The following ACYP2 variants were observed in gnomAD, a reference collection of about 807,000 sequenced individuals.
The protein encoded by ACYP2 is acylphosphatase 2, also known as acylphosphatase-2.
Under a neutral mutation model 11.2 loss-of-function variants are expected in ACYP2, and 12 were observed. The ratio of observed to expected loss-of-function variants is 1.08; its 90% CI spans 0.69 to 1.74. The LOEUF is 1.74. ACYP2 is among the 40% of genes most tolerant of loss of function. The pLI, the probability that ACYP2 is intolerant of heterozygous loss-of-function variation, is 0.00. For missense variants in ACYP2, 134 were observed against 101.9 expected (o/e 1.31, Z -1.35); for synonymous variants, 43 against 32.2 (o/e 1.33, Z -1.13).
chr2:54,296,502 C>T (rs190055135), intron 6 of ACYP2, among the ~76,000 whole-genome samples: 9 of 152,190 alleles, frequency 5.9e-5, no homozygotes, highest in East Asian at 5.8e-4. Context: ...TATTTCTTAA[C>T]GCAAAGGTGG....
intron 2 of ACYP2, among the ~76,000 whole-genome samples, chr2:53,986,910 C>T (rs1385918756): frequency 1.3e-5 from 2 of 152,156 alleles, no homozygotes; most frequent in Non-Finnish European, 2.9e-5. Flanking sequence ...TAGGTGTGAG[C>T]CACCGCACCC....
intron 6 of ACYP2, chr2:54,143,164 A>G (rs962716423): frequency 1.3e-5 from 2 of 152,238 alleles, no homozygotes; most frequent in African/African-American, 4.8e-5. Context: ...TGCCATGACA[A>G]TGTTGAATAA....
chr2:54,270,959 A>G lies in ACYP2; in HGVS notation c.405-33729A>G, dbSNP rs536198324. Among the ~76,000 whole-genome samples, 7 of 152,354 alleles carry G rather than the reference A, an allele frequency of 4.6e-5. No homozygotes were observed. The South Asian group carries it at 1.0e-3, about 23-fold the overall frequency. ...ATTAAAGCTTTGTACTTTTCTTTAC[A>G]TATGGCACATACAATTCTTTATCAT... On this transcript the variant is annotated intron_variant, in intron 6 of 6. Coordinates refer to ENST00000607452, the MANE Select transcript of ACYP2 (RefSeq NM_001320586.2).
intron 6 of ACYP2, among the ~76,000 whole-genome samples, chr2:54,244,535 C>A (rs184083536): frequency 1.3e-5 from 2 of 152,204 alleles, no homozygotes; most frequent in African/African-American, 4.8e-5. Flanking sequence ...GGCTTAGATA[C>A]CCTGTGTATC....
intron 6 of ACYP2, among the ~76,000 whole-genome samples, chr2:54,181,588 A>G (rs1683729430): frequency 6.6e-6 from 1 of 152,208 alleles, no homozygotes; most frequent in Non-Finnish European, 1.5e-5. Flanking sequence ...CTAAAATTAC[A>G]TATAATCTGA....
At chr2:54,175,409 ATTC>A (rs1683415806) in intron 6 of ACYP2, among the ~76,000 whole-genome samples, 2 of 148,212 alleles carry the variant, frequency 1.3e-5, no homozygotes, top group Admixed American at 1.4e-4. Flanking sequence ...CGTCTATTTG[ATTC>A]TTCTCTCTTT....
chr2:54,179,241 GGGGT>G (rs923288044), intron 6 of ACYP2, among the ~76,000 whole-genome samples: 3 of 139,884 alleles, frequency 2.1e-5, no homozygotes, highest in African/African-American at 7.6e-5. Flanking sequence ...GGTGGTGTGA[GGGGT>G]GGGTGGGTGG....
intron 4 of ACYP2, among the ~76,000 whole-genome samples, chr2:54,093,864 T>C (rs1279686144): frequency 2.6e-5 from 4 of 152,098 alleles, no homozygotes; most frequent in Non-Finnish European, 5.9e-5. Context: ...GACATGAACC[T>C]GGGAGGCAGA....
chr2:54,085,230 G>A (rs1264301200), intron 4 of ACYP2, among the ~76,000 whole-genome samples: 1 of 152,138 alleles, frequency 6.6e-6, no homozygotes, highest in Non-Finnish European at 1.5e-5. Context: ...TTCCTCCCAC[G>A]TTCCAAGGCT....
intron 6 of ACYP2, among the ~76,000 whole-genome samples, chr2:54,170,189 G>A (rs1683165283): frequency 6.6e-6 from 1 of 152,180 alleles, no homozygotes; most frequent in African/African-American, 2.4e-5. Flanking sequence ...CTCTCACTCT[G>A]TTGCCCAGGC....
intron 4 of ACYP2, among the ~76,000 whole-genome samples, chr2:54,089,621 T>A (rs1678116876): frequency 6.6e-6 from 1 of 151,662 alleles, no homozygotes; most frequent in South Asian, 2.1e-4. Context: ...ATGCCTGTAG[T>A]CCCAGCTACT....
chr2:54,101,218 A>G (rs1262255315), intron 4 of ACYP2, among the ~76,000 whole-genome samples: 3 of 152,214 alleles, frequency 2.0e-5, no homozygotes, highest in East Asian at 3.8e-4. Flanking sequence ...CCAAGACTGC[A>G]TGTGAATCAT....
At chr2:54,249,863 C>G (rs1352585638) in intron 6 of ACYP2, among the ~76,000 whole-genome samples, 2 of 149,438 alleles carry the variant, frequency 1.3e-5, no homozygotes. Flanking sequence ...TCACTTGAGC[C>G]CAGGAACAGT....
chr2:54,069,531 G>A (rs1197672367), intron 4 of ACYP2, among the ~76,000 whole-genome samples: 9 of 152,032 alleles, frequency 5.9e-5, no homozygotes, highest in Non-Finnish European at 7.4e-5. Context: ...GCGTGGTGGC[G>A]GGCGCCTGTA....
chr2:54,058,740 C>T (rs1573626864), intron 4 of ACYP2, among the ~76,000 whole-genome samples: 1 of 141,664 alleles, frequency 7.1e-6, no homozygotes, highest in South Asian at 2.2e-4. Flanking sequence ...GTCAGGAGCA[C>T]TTTCTCTTAC....
intron 4 of ACYP2, among the ~76,000 whole-genome samples, chr2:54,084,384 T>A (rs557378200): frequency 6.6e-6 from 1 of 152,326 alleles, no homozygotes; most frequent in East Asian, 1.9e-4. Flanking sequence ...AACCTCTGTC[T>A]CCCAGGTTCA....
intron 6 of ACYP2, among the ~76,000 whole-genome samples, chr2:54,266,487 T>C (rs927285246): frequency 6.6e-6 from 1 of 151,302 alleles, no homozygotes; most frequent in Non-Finnish European, 1.5e-5. Context: ...GGTACTATCA[T>C]TGGCCCTGTT....
intron 6 of ACYP2, among the ~76,000 whole-genome samples, chr2:54,242,307 AT>A (rs757757720): frequency 6.6e-6 from 1 of 152,226 alleles, no homozygotes; most frequent in Non-Finnish European, 1.5e-5. Flanking sequence ...CCCTTTGAGA[AT>A]TAAGTAATCC....
chr2:54,197,317 C>T (rs548500607), intron 6 of ACYP2, among the ~76,000 whole-genome samples: 1 of 152,192 alleles, frequency 6.6e-6, no homozygotes, highest in South Asian at 2.1e-4. Flanking sequence ...AGAATTAGTT[C>T]TCTCTCCCAC....
Sources: gnomAD v4.1 joint callset for allele counts (sites outside exome capture counted in the v4.1 genomes callset) on GRCh38, gnomAD v4.1.1 for gene constraint, MANE v1.5 for transcripts, NCBI Gene and HGNC (gene_info 2026-07-23, HGNC 2026-07-21) for gene names.